FHIP1A: variants seen among roughly 807,000 people sequenced by gnomAD.
The protein encoded by FHIP1A is FHF complex subunit HOOK interacting protein 1A.
A neutral mutation model predicts 88.6 loss-of-function variants in FHIP1A; 61 were observed. The observed-to-expected ratio is 0.69, with a 90% CI of 0.56 to 0.85. The LOEUF (loss-of-function observed/expected upper bound fraction) is 0.85. Ranked by LOEUF, FHIP1A falls within the 40% of genes least tolerant of loss-of-function variation. The pLI is 0.00. For synonymous variants in FHIP1A, 478 were observed against 496.0 expected (o/e 0.96, Z 0.48); for missense variants, 1,154 against 1,273.5 (o/e 0.91, Z 1.43).
chr4:151,446,481 TTCC>T (rs1314379939), intron 1 of FHIP1A, among the ~76,000 whole-genome samples: 10 of 106,654 alleles, frequency 9.4e-5, no homozygotes, highest in African/African-American at 2.1e-4. Flanking sequence ...CCCTTTCCTT[TTCC>T]TTTTTTTTTT....
Position 151,656,730 on chromosome 4 carries a change from C to G in FHIP1A, c.2731-30C>G, listed in dbSNP as rs145748006. Reference sequence around the variant, plus strand: ...CTGGGAGTGGAATTTCATGGTGAGGCATTAACATCAGTAATGCTGTTTTTG... The same window carrying G: ...CTGGGAGTGGAATTTCATGGTGAGGGATTAACATCAGTAATGCTGTTTTTG... On this transcript the variant is annotated intron_variant, in intron 12 of 13. Coordinates refer to ENST00000435205, the MANE Select transcript of FHIP1A (RefSeq NM_001109977.3). The surrounding 1 kb of genome is among the most constrained non-coding windows in gnomAD (Gnocchi z 4.2). 2.7e-4 allele frequency: 417 copies of G among 1,539,026 alleles called. 1 individual carries two copies. Among genetic ancestry groups the G allele is most frequent in the South Asian group, 2.5e-3 (206 of 81,944 alleles).
At chr4:151,447,522 C>T (rs570947621) in intron 1 of FHIP1A, among the ~76,000 whole-genome samples, 1 of 152,174 alleles carries the variant, frequency 6.6e-6, no homozygotes, top group South Asian at 2.1e-4. Context: ...TAGAACCTTC[C>T]CATATGTTGA....
intron 3 of FHIP1A, among the ~76,000 whole-genome samples, chr4:151,511,637 C>T (rs6838608): frequency 0.12 from 18,946 of 152,214 alleles, 1,305 homozygotes; most frequent in African/African-American, 0.17. Flanking sequence ...GATTATATCC[C>T]GCACATGGCT....
intron 1 of FHIP1A, among the ~76,000 whole-genome samples, chr4:151,419,131 G>C (rs978669960): frequency 6.6e-6 from 1 of 152,170 alleles, no homozygotes; most frequent in Non-Finnish European, 1.5e-5. Flanking sequence ...TTCTGGATGA[G>C]ATTAACATTA....
At chr4:151,526,157 C>T (rs192373367) in intron 3 of FHIP1A, among the ~76,000 whole-genome samples, 1,677 of 152,346 alleles carry the variant, frequency 0.011, 13 homozygotes, top group Non-Finnish European at 0.016. Flanking sequence ...ATGTCTACCT[C>T]TTTCCACACA....
chr4:151,511,659 A>G (rs1286425548), intron 3 of FHIP1A, among the ~76,000 whole-genome samples: 1 of 152,236 alleles, frequency 6.6e-6, no homozygotes, highest in East Asian at 1.9e-4. Flanking sequence ...GGAGAGTCCT[A>G]CACCCACAGA....
At chr4:151,415,201 T>G (rs1203953306) in intron 1 of FHIP1A, among the ~76,000 whole-genome samples, 1 of 152,066 alleles carries the variant, frequency 6.6e-6, no homozygotes, top group Non-Finnish European at 1.5e-5. Flanking sequence ...TTTTGTTTTT[T>G]TTTGAGATGG....
chr4:151,526,448 A>C (rs1380505454), intron 3 of FHIP1A, among the ~76,000 whole-genome samples: 6 of 86,394 alleles, frequency 6.9e-5, no homozygotes, highest in African/African-American at 2.0e-4. Flanking sequence ...TGACCCCCCC[A>C]CCTCCCTCCC....
At chr4:151,605,067 C>T (rs1052450048) in intron 7 of FHIP1A, among the ~76,000 whole-genome samples, 3 of 151,894 alleles carry the variant, frequency 2.0e-5, no homozygotes, top group Non-Finnish European at 4.4e-5. Flanking sequence ...GTGGGAGACC[C>T]GTAGAGAGTT....
chr4:151,553,218 C>T (rs1010177797), intron 3 of FHIP1A, among the ~76,000 whole-genome samples: 1 of 152,114 alleles, frequency 6.6e-6, no homozygotes, highest in Non-Finnish European at 1.5e-5. Context: ...TAATGACCTG[C>T]ATTTTTATTT....
At chr4:151,486,742 G>T (rs534119892) in intron 3 of FHIP1A, among the ~76,000 whole-genome samples, 9 of 151,962 alleles carry the variant, frequency 5.9e-5, no homozygotes, top group Admixed American at 1.3e-4. Flanking sequence ...CGAGGCGGGC[G>T]GATCGCCTGA....
chr4:151,544,017 T>G (rs1382242530), intron 3 of FHIP1A, among the ~76,000 whole-genome samples: 1 of 152,226 alleles, frequency 6.6e-6, no homozygotes, highest in Non-Finnish European at 1.5e-5. Context: ...GCAAGTGTCA[T>G]GGCTCAAATT....
chr4:151,475,879 T>C (rs78496129), intron 2 of FHIP1A, among the ~76,000 whole-genome samples: 1 of 152,132 alleles, frequency 6.6e-6, no homozygotes, highest in Non-Finnish European at 1.5e-5. Context: ...TTTTTTTTTT[T>C]TGAGACAGAG....
At chr4:151,512,927 A>T (rs541350869) in intron 3 of FHIP1A, among the ~76,000 whole-genome samples, 52 of 152,314 alleles carry the variant, frequency 3.4e-4, no homozygotes, top group African/African-American at 1.2e-3. Flanking sequence ...GCAGGCCAAC[A>T]TTCAAATTCA....
intron 1 of FHIP1A, among the ~76,000 whole-genome samples, chr4:151,433,916 C>CT (rs1580559315): frequency 6.6e-6 from 1 of 152,074 alleles, no homozygotes; most frequent in East Asian, 1.9e-4. Context: ...GCTCTATGCC[C>CT]TTTTTTGCTA....
In FHIP1A at chr4:151,610,967, A is replaced by G. The variant is rs574962337; in HGVS notation, c.979-18735A>G. On this transcript the variant is annotated intron_variant, in intron 7 of 13. Transcript: ENST00000435205. ...TTGTTCATTGAACAAATGTTATAAT[A>G]TATAGCAGAATTTATAGTACATTGC... 8.5e-5 allele frequency among the ~76,000 whole-genome samples: 13 copies of G among 152,348 alleles called. 1 individual carries two copies. The highest frequency in any genetic ancestry group is 2.9e-4 in the African/African-American group (12 of 41,584).
At chr4:151,562,570 ATTCCAT>A (rs1733218708) in intron 3 of FHIP1A, among the ~76,000 whole-genome samples, 1 of 152,188 alleles carries the variant, frequency 6.6e-6, no homozygotes, top group South Asian at 2.1e-4. Flanking sequence ...TAAGGTGGCC[ATTCCAT>A]TTCTTTCCCT....
At chr4:151,448,051 G>A (rs1728669109) in intron 1 of FHIP1A, among the ~76,000 whole-genome samples, 1 of 152,028 alleles carries the variant, frequency 6.6e-6, no homozygotes. Flanking sequence ...TGGGACTACA[G>A]GTGTACACCA....
intron 3 of FHIP1A, among the ~76,000 whole-genome samples, chr4:151,528,279 A>G (rs1731755613): frequency 6.6e-6 from 1 of 152,228 alleles, no homozygotes; most frequent in East Asian, 1.9e-4. Flanking sequence ...TTTATGCAGT[A>G]GTGCTCCTCT....
Sources: allele counts gnomAD v4.1 joint callset (sites outside exome capture counted in the v4.1 genomes callset), GRCh38; gene constraint gnomAD v4.1.1; non-coding constraint Gnocchi (gnomAD v3.1); transcripts MANE v1.5; gene names NCBI Gene and HGNC (gene_info 2026-07-23, HGNC 2026-07-21).